The following JPH3 variants were observed in gnomAD, a reference collection of about 807,000 sequenced individuals.
JPH3 encodes junctophilin 3, also known as junctophilin-3.
Under a neutral mutation model 59.6 loss-of-function variants are expected in JPH3, and 11 were observed. That is an observed-to-expected ratio of 0.18 (90% CI 0.12 to 0.31). The LOEUF is 0.31. Ranked by LOEUF, JPH3 falls within the 10% of genes least tolerant of loss-of-function variation. The probability of loss-of-function intolerance (pLI) is 1.00; values close to 1 mark genes in which losing one functional copy is unlikely to be tolerated. For synonymous variants in JPH3, 673 were observed against 483.6 expected, an observed-to-expected ratio of 1.39 and a Z score of -5.14; for missense variants, 1,202 against 1,105.7, an observed-to-expected ratio of 1.09 and a Z score of -1.24.
rs1162110431 is a variant in JPH3, at chr16:87,684,469, T to C, written c.1285+203T>C. On this transcript the variant is annotated intron_variant, in intron 3 of 4. Transcript: ENST00000284262. ...GCCTGGCTCCCCGGGACACAGGACATGTGTCTTGGCAGGTCTCTCCCATTC... is the reference window on the plus strand; with the variant it reads ...GCCTGGCTCCCCGGGACACAGGACACGTGTCTTGGCAGGTCTCTCCCATTC... 3 of 734,960 alleles carry C rather than the reference T, an allele frequency of 4.1e-6. No homozygotes were observed. In the East Asian group the frequency reaches 8.5e-5, roughly 21 times the overall value. 45.5% of individuals were successfully genotyped at this position (734,960 alleles called of 1,614,324 possible).
At chr16:87,690,564 A>C in intron 4 of JPH3, 38 bp downstream of exon 4, 2 of 1,436,992 alleles carry the variant, frequency 1.4e-6, no homozygotes, top group Non-Finnish European at 1.8e-6. Flanking sequence ...CAGTGGAGGC[A>C]ACATCCACCT....
intron 1 of JPH3, among the ~76,000 whole-genome samples, chr16:87,641,593 G>C (rs1376086807): frequency 6.6e-6 from 1 of 152,232 alleles, no homozygotes; most frequent in Non-Finnish European, 1.5e-5. Context: ...CCCCAAATAA[G>C]TCACGTTCAC....
intron 1 of JPH3, among the ~76,000 whole-genome samples, chr16:87,633,411 T>C (rs1275867923): frequency 6.6e-6 from 1 of 151,824 alleles, no homozygotes; most frequent in African/African-American, 2.4e-5. Flanking sequence ...CATATGCATT[T>C]TGGAGAAACG....
At chr16:87,693,430 T>C (rs931378250) in intron 4 of JPH3, 4 of 152,284 alleles carry the variant, frequency 2.6e-5, no homozygotes, top group African/African-American at 9.6e-5. Flanking sequence ...TCCCAGCACT[T>C]TGAGAGGCCG....
At chr16:87,663,766 C>A (rs1057019772) in intron 2 of JPH3, among the ~76,000 whole-genome samples, 2 of 152,200 alleles carry the variant, frequency 1.3e-5, no homozygotes, top group Non-Finnish European at 2.9e-5. Context: ...AAACTTACAG[C>A]GTTTTCAAGC....
chr16:87,604,193 C>T, intron 1 of JPH3: 1 of 1,411,316 alleles, frequency 7.1e-7, no homozygotes, highest in Non-Finnish European at 9.3e-7. Flanking sequence ...GTGGCTGCAT[C>T]GTTTTCACCA....
chr16:87,697,075 G>T lies in JPH3; in HGVS notation c.*415G>T. On this transcript the variant is annotated 3_prime_UTR_variant, in exon 5 of 5. Transcript: ENST00000284262. ...CCCCTGAGTGGCAGGGCTGACTCCC[G>T]TCGACACGAGCTTAGAAAGTGGATT... 1 of 267,804 alleles carries T rather than the reference G, an allele frequency of 3.7e-6. No individual in the cohort carries two copies. The allele number at this position is 267,804 out of a possible 1,614,324, so 16.6% of individuals were successfully genotyped here. A position where few individuals can be genotyped will look rare whatever the true frequency, so the allele number is the denominator to read the frequency against.
intron 2 of JPH3, among the ~76,000 whole-genome samples, chr16:87,662,228 T>C (rs1422144561): frequency 2.0e-5 from 3 of 152,116 alleles, no homozygotes; most frequent in Admixed American, 6.5e-5. Flanking sequence ...AGGCAAGATA[T>C]CCTACGCTGC....
chr16:87,655,579 C>A (rs1332431711), intron 2 of JPH3, among the ~76,000 whole-genome samples: 3 of 152,342 alleles, frequency 2.0e-5, no homozygotes, highest in South Asian at 4.1e-4. Context: ...GTCTCCAACT[C>A]CTGGCCTCAA....
At chr16:87,606,767 A>G (rs1025149711) in intron 1 of JPH3, among the ~76,000 whole-genome samples, 2 of 152,226 alleles carry the variant, frequency 1.3e-5, no homozygotes, top group Non-Finnish European at 2.9e-5. Flanking sequence ...CATGTCACTT[A>G]CAATGATCAT....
At chr16:87,637,292 A>G (rs1259698128) in intron 1 of JPH3, among the ~76,000 whole-genome samples, 1 of 152,040 alleles carries the variant, frequency 6.6e-6, no homozygotes, top group East Asian at 1.9e-4. Flanking sequence ...GTTGCAGGCC[A>G]CTTTCATCAC....
chr16:87,690,170 CAGG>C lies in JPH3; in HGVS notation c.1816_1818del (p.Glu606del), dbSNP rs769602156. On this transcript the variant is annotated inframe_deletion, in exon 4 of 5. Transcript: ENST00000284262. ...CGGAGGCTCCAGGCTGCTGGAGCTG[CAGG>C]AGGAGAAGCTGAGCAACTACCGGAT... The C allele has an allele frequency of 1.7e-5, 27 of 1,599,484 alleles. No individual in the cohort carries two copies. The highest frequency in any genetic ancestry group is 9.1e-5 in the East Asian group (4 of 44,006).
chr16:87,674,232 T>G (rs998930219), intron 2 of JPH3, among the ~76,000 whole-genome samples: 8 of 151,072 alleles, frequency 5.3e-5, no homozygotes, highest in Middle Eastern at 3.4e-3. Flanking sequence ...TACTCGGGAG[T>G]GTGAGGCAGG....
chr16:87,618,669 C>CTT (rs2031062813), intron 1 of JPH3, among the ~76,000 whole-genome samples: 1 of 152,222 alleles, frequency 6.6e-6, no homozygotes, highest in Non-Finnish European at 1.5e-5. Flanking sequence ...CATCGCCTGT[C>CTT]TTTTTGGTTG....
chr16:87,673,453 T>C (rs1364889704), intron 2 of JPH3, among the ~76,000 whole-genome samples: 1 of 152,108 alleles, frequency 6.6e-6, no homozygotes, highest in African/African-American at 2.4e-5. Flanking sequence ...CCCAGGAACA[T>C]TTAAACTGCA....
chr16:87,642,664 T>TGGC (rs1447143826), intron 1 of JPH3, among the ~76,000 whole-genome samples: 1 of 152,242 alleles, frequency 6.6e-6, no homozygotes, highest in Non-Finnish European at 1.5e-5. Flanking sequence ...AGTGCCCGGC[T>TGGC]GCAGGGAGAA....
chr16:87,646,801 A>T (rs961762052), intron 2 of JPH3, among the ~76,000 whole-genome samples: 2 of 152,124 alleles, frequency 1.3e-5, no homozygotes, highest in Non-Finnish European at 2.9e-5. Context: ...TCATTGGTTC[A>T]TGAGTTCTCA....
chr16:87,630,859 C>T (rs1316962996), intron 1 of JPH3, among the ~76,000 whole-genome samples: 4 of 152,290 alleles, frequency 2.6e-5, no homozygotes, highest in East Asian at 1.9e-4. Flanking sequence ...TCCCCACTCC[C>T]AGCTATCTCA....
intron 3 of JPH3, among the ~76,000 whole-genome samples, chr16:87,685,153 G>A (rs1405540698): frequency 4.6e-5 from 7 of 152,302 alleles, no homozygotes; most frequent in African/African-American, 1.2e-4. Context: ...GGGGCTGGGC[G>A]CTCCCCTGAC....
Sources: gnomAD v4.1 joint callset for allele counts (sites outside exome capture counted in the v4.1 genomes callset) on GRCh38, gnomAD v4.1.1 for gene constraint, MANE v1.5 for transcripts, NCBI Gene and HGNC (gene_info 2026-07-23, HGNC 2026-07-21) for gene names.